MAPKAP1: variants seen among roughly 807,000 people sequenced by gnomAD.
The protein encoded by MAPKAP1 is MAPK associated protein 1.
MAPKAP1 carries 20 observed loss-of-function variants against 65.7 expected under a neutral mutation model. The ratio of observed to expected loss-of-function variants is 0.30; its 90% CI spans 0.21 to 0.44. The LOEUF (loss-of-function observed/expected upper bound fraction) is 0.44, where lower values mean the gene tolerates loss of function less well. Among genes scored for constraint, MAPKAP1 ranks in the 20% least tolerant of loss-of-function variants. The pLI, the probability that MAPKAP1 is intolerant of heterozygous loss-of-function variation, is 1.00. For missense variants in MAPKAP1, 423 were observed against 648.0 expected (o/e 0.65, Z 3.77); for synonymous variants, 222 against 244.3 (o/e 0.91, Z 0.85).
chr9:125,503,873 C>G, intron 8 of MAPKAP1, among the ~76,000 whole-genome samples: 1 of 120,176 alleles, frequency 8.3e-6, no homozygotes, highest in Non-Finnish European at 1.6e-5. Context: ...CCCGCCACCA[C>G]GCTTGGCTTT....
chr9:125,673,782 TTA>T (rs1251044033), intron 1 of MAPKAP1, among the ~76,000 whole-genome samples: 1 of 151,570 alleles, frequency 6.6e-6, no homozygotes, highest in Non-Finnish European at 1.5e-5. Flanking sequence ...ATAATAATTA[TTA>T]TTTTTTAATT....
At chr9:125,508,609 G>A (rs147629336) in intron 7 of MAPKAP1, among the ~76,000 whole-genome samples, 1 of 152,218 alleles carries the variant, frequency 6.6e-6, no homozygotes, top group African/African-American at 2.4e-5. Context: ...CCAGCGCTTT[G>A]GGGGAGCCAA....
At chr9:125,670,012 T>C (rs1176333951) in intron 2 of MAPKAP1, 105 bp from the exon 3 acceptor site, 15 of 619,648 alleles carry the variant, frequency 2.4e-5, no homozygotes, top group Non-Finnish European at 3.5e-5. Flanking sequence ...ATATTGCATA[T>C]GTAGAGAAAA....
At chr9:125,471,061 T>C (rs1210818941) in intron 9 of MAPKAP1, 2 of 152,192 alleles carry the variant, frequency 1.3e-5, no homozygotes, top group East Asian at 3.9e-4. Flanking sequence ...GAAAAATCCT[T>C]TTGTACATTA....
intron 7 of MAPKAP1, among the ~76,000 whole-genome samples, chr9:125,535,054 C>A (rs1204607864): frequency 6.6e-6 from 1 of 152,210 alleles, no homozygotes; most frequent in African/African-American, 2.4e-5. Context: ...GCTCCCAGAA[C>A]ATAAATGCAC....
chr9:125,549,734 G>A (rs16928288), intron 6 of MAPKAP1, among the ~76,000 whole-genome samples: 4,106 of 152,150 alleles, frequency 0.027, 190 homozygotes, highest in African/African-American at 0.094. Flanking sequence ...TAGCTTGCTC[G>A]ACTGATTGTG....
intron 4 of MAPKAP1, among the ~76,000 whole-genome samples, chr9:125,642,411 G>A (rs1012218137): frequency 4.6e-5 from 7 of 152,098 alleles, no homozygotes; most frequent in Admixed American, 3.3e-4. Context: ...GCTATGGGCT[G>A]GTAAGATCCT....
chr9:125,459,164 C>T (rs1337605971), intron 10 of MAPKAP1, among the ~76,000 whole-genome samples: 3 of 149,848 alleles, frequency 2.0e-5, no homozygotes, highest in African/African-American at 7.4e-5. Context: ...AGGCGCTCCT[C>T]ACATCCCAGA....
chr9:125,652,971 G>C (rs181426427), intron 4 of MAPKAP1, among the ~76,000 whole-genome samples: 1 of 152,274 alleles, frequency 6.6e-6, no homozygotes, highest in East Asian at 1.9e-4. Flanking sequence ...AATGAAGTAC[G>C]TGGGAAAGAC....
chr9:125,526,356 A>G (rs1829767473), intron 7 of MAPKAP1, among the ~76,000 whole-genome samples: 2 of 152,232 alleles, frequency 1.3e-5, no homozygotes, highest in Admixed American at 1.3e-4. Flanking sequence ...TGGGACTCTA[A>G]TGTTATGGAA....
intron 11 of MAPKAP1, among the ~76,000 whole-genome samples, chr9:125,440,394 TCTGGCTGGG>T (rs982110783): frequency 4.6e-5 from 7 of 152,346 alleles, no homozygotes; most frequent in Non-Finnish European, 1.0e-4. Flanking sequence ...CCTCTGCTCC[TCTGGCTGGG>T]GCTTTTGGTG....
At chr9:125,650,518 C>G (rs911647130) in intron 4 of MAPKAP1, 1 of 152,250 alleles carries the variant, frequency 6.6e-6, no homozygotes, top group Non-Finnish European at 1.5e-5. Context: ...CTAGTTCTTA[C>G]TCACCCTTTA....
chr9:125,444,227 G>A (rs975525352), intron 11 of MAPKAP1, among the ~76,000 whole-genome samples: 1 of 152,254 alleles, frequency 6.6e-6, no homozygotes, highest in African/African-American at 2.4e-5. Context: ...AACAAATACA[G>A]GAAGAGCCAG....
At chr9:125,612,850 G>A (rs1832642380) in intron 4 of MAPKAP1, among the ~76,000 whole-genome samples, 1 of 152,178 alleles carries the variant, frequency 6.6e-6, no homozygotes, top group Non-Finnish European at 1.5e-5. Context: ...AAGAACATGA[G>A]GCTGTTACAC....
intron 9 of MAPKAP1, among the ~76,000 whole-genome samples, chr9:125,479,811 A>C (rs1564525419): frequency 6.6e-6 from 1 of 152,192 alleles, no homozygotes; most frequent in Non-Finnish European, 1.5e-5. Context: ...CTGTGGAATC[A>C]GCAGGGATGC....
At chr9:125,496,406 A>C (rs1330963246) in intron 8 of MAPKAP1, among the ~76,000 whole-genome samples, 1 of 152,238 alleles carries the variant, frequency 6.6e-6, no homozygotes, top group African/African-American at 2.4e-5. Flanking sequence ...TAAAATATGT[A>C]AAACGAACAT....
chr9:125,693,742 T>TATATATACACACACATATACAC (rs1835285988), intron 1 of MAPKAP1, among the ~76,000 whole-genome samples: 5 of 126,570 alleles, frequency 4.0e-5, no homozygotes, highest in South Asian at 2.2e-4. Context: ...TATATACACG[T>TATATATACACACACATATACAC]ATATATACAC....
intron 6 of MAPKAP1, among the ~76,000 whole-genome samples, chr9:125,546,559 C>T (rs1488842849): frequency 6.6e-6 from 1 of 152,220 alleles, no homozygotes; most frequent in Non-Finnish European, 1.5e-5. Flanking sequence ...TTCAGCTTGA[C>T]TTCCAAACAT....
intron 5 of MAPKAP1, among the ~76,000 whole-genome samples, chr9:125,560,668 C>T (rs1448529638): frequency 6.6e-6 from 1 of 152,228 alleles, no homozygotes; most frequent in Non-Finnish European, 1.5e-5. Flanking sequence ...ACAATCCATA[C>T]AGTTCTCCCT....
Sources: gnomAD v4.1 joint callset for allele counts (sites outside exome capture counted in the v4.1 genomes callset) on GRCh38, gnomAD v4.1.1 for gene constraint, MANE v1.5 for transcripts, NCBI Gene and HGNC (gene_info 2026-07-23, HGNC 2026-07-21) for gene names.